PGCKA1: variants seen among roughly 807,000 people sequenced by gnomAD.
PGCKA1 encodes the protein PDCD10 and GCKIII kinases-associated protein 1.
chr4:37,454,609 G>A, the PGCKA1 span, among the ~76,000 whole-genome samples: 1 of 152,236 alleles, frequency 6.6e-6, no homozygotes, highest in Non-Finnish European at 1.5e-5. Flanking sequence ...GAGGCCTCAC[G>A]TAGTGAAAAG....
chr4:37,493,788 T>C, the PGCKA1 span, among the ~76,000 whole-genome samples: 1 of 152,214 alleles, frequency 6.6e-6, no homozygotes, highest in East Asian at 1.9e-4. Context: ...ATGAGTAGTT[T>C]AGATTTTTAG....
At chr4:37,499,745 A>G in the PGCKA1 span, among the ~76,000 whole-genome samples, 1 of 151,780 alleles carries the variant, frequency 6.6e-6, no homozygotes, top group Non-Finnish European at 1.5e-5. Flanking sequence ...TTTTCAAAAA[A>G]ACACACTTCT....
the PGCKA1 span, among the ~76,000 whole-genome samples, chr4:37,549,585 A>G: frequency 2.0e-5 from 3 of 152,148 alleles, no homozygotes; most frequent in East Asian, 5.8e-4. Flanking sequence ...ATCATTAGCT[A>G]ATAAATGCTA....
At chr4:37,456,504 T>C in the PGCKA1 span, among the ~76,000 whole-genome samples, 7 of 152,238 alleles carry the variant, frequency 4.6e-5, no homozygotes, top group East Asian at 1.3e-3. Flanking sequence ...GTAGAAAAGA[T>C]GTTCCAGAGC....
At chr4:37,581,730 C>A in the PGCKA1 span, among the ~76,000 whole-genome samples, 1 of 152,256 alleles carries the variant, frequency 6.6e-6, no homozygotes, top group Non-Finnish European at 1.5e-5. This position sits in a 1 kb window ranked among gnomAD's most constrained non-coding sequence, Gnocchi z 4.4. Context: ...GACACAGGTT[C>A]TCCCTTAGCC....
the PGCKA1 span, among the ~76,000 whole-genome samples, chr4:37,576,007 T>C: frequency 6.6e-6 from 1 of 152,184 alleles, no homozygotes; most frequent in African/African-American, 2.4e-5. Context: ...ATCTCTGTAG[T>C]GTAATTTAAA....
the PGCKA1 span, among the ~76,000 whole-genome samples, chr4:37,465,133 C>A: frequency 6.6e-6 from 1 of 152,112 alleles, no homozygotes; most frequent in Non-Finnish European, 1.5e-5. Context: ...GTATATTCTC[C>A]ATTCTTCATT....
the PGCKA1 span, among the ~76,000 whole-genome samples, chr4:37,513,645 CT>C: frequency 6.6e-6 from 1 of 152,150 alleles, no homozygotes; most frequent in Non-Finnish European, 1.5e-5. Context: ...AACATATGAA[CT>C]TTGAAGGGAC....
At chr4:37,546,805 T>A in the PGCKA1 span, among the ~76,000 whole-genome samples, 1 of 152,210 alleles carries the variant, frequency 6.6e-6, no homozygotes, top group African/African-American at 2.4e-5. Context: ...CAAAGACCGC[T>A]CCCAGGTAGG....
chr4:37,585,007 T>G, the PGCKA1 span, among the ~76,000 whole-genome samples: 1 of 19,532 alleles, frequency 5.1e-5, no homozygotes, highest in Non-Finnish European at 1.0e-4. Flanking sequence ...CTTTGACTTG[T>G]TTTTTTTTTT....
the PGCKA1 span, among the ~76,000 whole-genome samples, chr4:37,466,447 A>C: frequency 6.6e-6 from 1 of 152,316 alleles, no homozygotes; most frequent in South Asian, 2.1e-4. Flanking sequence ...ACAACCTTAT[A>C]GTTGGTGGTC....
chr4:37,552,294 C>T, the PGCKA1 span, among the ~76,000 whole-genome samples: 19 of 152,326 alleles, frequency 1.2e-4, no homozygotes, highest in African/African-American at 4.1e-4. Context: ...CAATCAATCA[C>T]GACCCTTTCA....
At chr4:37,549,200 TAGTC>T in the PGCKA1 span, among the ~76,000 whole-genome samples, 3 of 152,130 alleles carry the variant, frequency 2.0e-5, no homozygotes, top group Admixed American at 6.5e-5. Context: ...GCTTATCAAT[TAGTC>T]AGCCCTTGTT....
the PGCKA1 span, chr4:37,590,160 A>C: frequency 6.2e-7 from 1 of 1,614,224 alleles, no homozygotes; most frequent in Non-Finnish European, 8.5e-7. Context: ...AGCTAGATGA[A>C]GACGACACTG....
At chr4:37,579,786 A>C in the PGCKA1 span, among the ~76,000 whole-genome samples, 1 of 151,894 alleles carries the variant, frequency 6.6e-6, no homozygotes, top group African/African-American at 2.4e-5. Flanking sequence ...GGTGTTCTGT[A>C]ACCTTCTTGT....
chr4:37,551,256 A>C, the PGCKA1 span, among the ~76,000 whole-genome samples: 2 of 151,360 alleles, frequency 1.3e-5, no homozygotes, highest in South Asian at 4.2e-4. Context: ...AAAGCAGGCA[A>C]ATTCCTGGGT....
chr4:37,514,439 A>G, the PGCKA1 span, among the ~76,000 whole-genome samples: 1 of 152,202 alleles, frequency 6.6e-6, no homozygotes, highest in Non-Finnish European at 1.5e-5. Flanking sequence ...AAGATTTAAG[A>G]TTATATCTAG....
At chr4:37,460,893 A>C in the PGCKA1 span, 1 of 399,750 alleles carries the variant, frequency 2.5e-6, no homozygotes, top group Non-Finnish European at 4.8e-6. Context: ...TGACGATTTC[A>C]TCATAAAATC....
the PGCKA1 span, among the ~76,000 whole-genome samples, chr4:37,486,219 C>T: frequency 7.2e-5 from 11 of 152,274 alleles, no homozygotes; most frequent in Admixed American, 2.6e-4. Flanking sequence ...TTCAAAGCCT[C>T]TAACTCCTAC....
Sources: gnomAD v4.1 joint callset for allele counts (sites outside exome capture counted in the v4.1 genomes callset) on GRCh38, gnomAD v4.1.1 for gene constraint, Gnocchi (gnomAD v3.1) non-coding constraint, MANE v1.5 for transcripts, NCBI Gene and HGNC (gene_info 2026-07-23, HGNC 2026-07-21) for gene names.